Variants in CDKAL1 observed in about 807,000 individuals in gnomAD.
The protein encoded by CDKAL1 is threonylcarbamoyladenosine tRNA methylthiotransferase.
A neutral mutation model predicts 68.2 loss-of-function variants in CDKAL1; 32 were observed. The ratio of observed to expected loss-of-function variants is 0.47; its 90% CI spans 0.35 to 0.63. The LOEUF is 0.63. Ranked by LOEUF, CDKAL1 falls within the 30% of genes least tolerant of loss-of-function variation. CDKAL1 has a pLI of 0.00. For synonymous variants in CDKAL1, 234 were observed against 244.3 expected, an observed-to-expected ratio of 0.96 and a Z score of 0.39; for missense variants, 606 against 696.7, an observed-to-expected ratio of 0.87 and a Z score of 1.47.
chr6:21,193,742 A>T (rs1402111583), intron 13 of CDKAL1, among the ~76,000 whole-genome samples: 4 of 152,088 alleles, frequency 2.6e-5, no homozygotes, highest in Non-Finnish European at 5.9e-5. Flanking sequence ...TTGTCCATCC[A>T]TCACTTTCCC....
chr6:20,802,647 G>T (rs1213261893), intron 8 of CDKAL1, among the ~76,000 whole-genome samples: 1 of 152,074 alleles, frequency 6.6e-6, no homozygotes, highest in African/African-American at 2.4e-5. Context: ...TTGCAAAGGG[G>T]TACCACAAAA....
intron 13 of CDKAL1, among the ~76,000 whole-genome samples, chr6:21,158,059 C>T (rs929216545): frequency 6.6e-6 from 1 of 152,198 alleles, no homozygotes; most frequent in African/African-American, 2.4e-5. Context: ...ATTAGGCCAA[C>T]AGACAAGTTA....
intron 4 of CDKAL1, among the ~76,000 whole-genome samples, chr6:20,551,088 A>G (rs1348383045): frequency 2.6e-5 from 4 of 151,514 alleles, no homozygotes; most frequent in African/African-American, 9.7e-5. Flanking sequence ...GATGGTCTCA[A>G]TCTCCTGACC....
intron 4 of CDKAL1, among the ~76,000 whole-genome samples, chr6:20,640,861 G>T (rs1768140622): frequency 6.6e-6 from 1 of 151,916 alleles, no homozygotes; most frequent in Non-Finnish European, 1.5e-5. Context: ...TATAAAATTG[G>T]AATAAAAATG....
chr6:20,904,361 C>A (rs887780546), intron 9 of CDKAL1, among the ~76,000 whole-genome samples: 1 of 152,028 alleles, frequency 6.6e-6, no homozygotes, highest in Non-Finnish European at 1.5e-5. Flanking sequence ...CATAGCGAGA[C>A]CCCATCTCAT....
chr6:21,041,690 G>T (rs781218655), intron 11 of CDKAL1, among the ~76,000 whole-genome samples: 5 of 151,076 alleles, frequency 3.3e-5, no homozygotes, highest in African/African-American at 1.2e-4. Context: ...TTTGGTACTG[G>T]ATAATTTGAT....
intron 4 of CDKAL1, among the ~76,000 whole-genome samples, chr6:20,604,831 G>A (rs1008870426): frequency 1.3e-5 from 2 of 152,224 alleles, no homozygotes; most frequent in African/African-American, 4.8e-5. Flanking sequence ...GATTCAAGGG[G>A]TAAGTGAGAG....
chr6:21,200,060 G>A (rs1435376408), intron 14 of CDKAL1, among the ~76,000 whole-genome samples: 1 of 152,202 alleles, frequency 6.6e-6, no homozygotes, highest in Non-Finnish European at 1.5e-5. Flanking sequence ...GATGAAGATT[G>A]TATCTAGATA....
At chr6:20,777,770 A>G (rs915976075) in intron 7 of CDKAL1, among the ~76,000 whole-genome samples, 1 of 152,214 alleles carries the variant, frequency 6.6e-6, no homozygotes, top group Non-Finnish European at 1.5e-5. Context: ...CAAACCCTGT[A>G]TGTACCATGT....
At chr6:20,678,014 A>G (rs956076713) in intron 5 of CDKAL1, among the ~76,000 whole-genome samples, 3 of 150,682 alleles carry the variant, frequency 2.0e-5, no homozygotes, top group African/African-American at 4.9e-5. Context: ...TGAATGTTCA[A>G]TGGGTGCTTG....
intron 13 of CDKAL1, among the ~76,000 whole-genome samples, chr6:21,120,954 C>T (rs1230768145): frequency 1.3e-5 from 2 of 152,096 alleles, no homozygotes; most frequent in Non-Finnish European, 2.9e-5. Context: ...GTATAACTGT[C>T]ACCTGTAGGA....
chr6:21,167,264 G>C (rs1416861621), intron 13 of CDKAL1, among the ~76,000 whole-genome samples: 1 of 152,146 alleles, frequency 6.6e-6, no homozygotes, highest in African/African-American at 2.4e-5. Context: ...TTTAAGTTTA[G>C]AGTTGCTTTT....
chr6:20,674,185 G>A (rs1769982772), intron 5 of CDKAL1, among the ~76,000 whole-genome samples: 1 of 152,068 alleles, frequency 6.6e-6, no homozygotes, highest in Non-Finnish European at 1.5e-5. Context: ...TTGGAAACAA[G>A]AGTTTTAATT....
At chr6:20,586,234 A>G (rs1304390121) in intron 4 of CDKAL1, among the ~76,000 whole-genome samples, 2 of 152,106 alleles carry the variant, frequency 1.3e-5, no homozygotes, top group Non-Finnish European at 2.9e-5. Flanking sequence ...TTTTCCCTCA[A>G]CCATCTGTTT....
intron 12 of CDKAL1, among the ~76,000 whole-genome samples, chr6:21,080,078 T>A (rs1361820828): frequency 7.1e-6 from 1 of 141,458 alleles, no homozygotes; most frequent in East Asian, 2.0e-4. Flanking sequence ...GGATCATTCT[T>A]TTTTTTTTTT....
chr6:21,154,132 T>C (rs905078131), intron 13 of CDKAL1, among the ~76,000 whole-genome samples: 1 of 152,190 alleles, frequency 6.6e-6, no homozygotes, highest in Non-Finnish European at 1.5e-5. Context: ...GTTGTCATGG[T>C]GATTAAATTA....
At chr6:20,881,585 T>C (rs62398109) in intron 9 of CDKAL1, among the ~76,000 whole-genome samples, 12,809 of 152,248 alleles carry the variant, frequency 0.084, 727 homozygotes, top group Non-Finnish European at 0.12. Flanking sequence ...ATTATTAATC[T>C]TGTAGCTTTT....
chr6:21,153,686 T>C (rs558554379), intron 13 of CDKAL1, among the ~76,000 whole-genome samples: 1 of 151,806 alleles, frequency 6.6e-6, no homozygotes, highest in African/African-American at 2.4e-5. Flanking sequence ...AGAAAAAAAA[T>C]AGAGGGATTT....
At chr6:20,782,171 G>A (rs756581441) in intron 8 of CDKAL1, among the ~76,000 whole-genome samples, 13 of 152,086 alleles carry the variant, frequency 8.5e-5, no homozygotes, top group Non-Finnish European at 1.8e-4. Context: ...CCTCTTTTCT[G>A]TAGTCTCACC....
Sources: allele counts gnomAD v4.1 joint callset (sites outside exome capture counted in the v4.1 genomes callset), GRCh38; gene constraint gnomAD v4.1.1; transcripts MANE v1.5; gene names NCBI Gene and HGNC (gene_info 2026-07-23, HGNC 2026-07-21).